The following IPO13 variants were observed in gnomAD, a reference collection of about 807,000 sequenced individuals.
IPO13 encodes importin-13.
A neutral mutation model predicts 115.5 loss-of-function variants in IPO13; 28 were observed. The observed-to-expected ratio is 0.24, with a 90% CI of 0.18 to 0.33. The LOEUF is 0.33. Among genes scored for constraint, IPO13 ranks in the 10% least tolerant of loss-of-function variants. IPO13 has a pLI of 1.00. For missense variants in IPO13, 785 were observed against 1,204.6 expected, an observed-to-expected ratio of 0.65 and a Z score of 5.16; for synonymous variants, 414 against 478.9, an observed-to-expected ratio of 0.86 and a Z score of 1.77.
chr1:43,960,952 A>C lies in IPO13; in HGVS notation c.2186A>C (p.Glu729Ala). 6.2e-7 allele frequency: 1 copy of C among 1,614,136 alleles called. No individual in the cohort carries two copies. The change falls in exon 13 of 20, where the codon GAG becomes GCG. Residue 729 changes from glutamate to alanine, a missense_variant. Physicochemically the swap from Glu to Ala is moderately radical, Grantham distance 107. Around this residue, in one of 3 missense-constraint regions of IPO13, gnomAD observed 285 missense variants for 394.8 expected, o/e 0.72. Transcript: ENST00000372343. ...GCCCCCATGGTGCCACAGCTGTGTG[A>C]GATGCTGGGTCGGATGTACAGCACC... The part of the protein sequence containing the change: ...DFAPMVPQLC[E>A]MLGRMYSTIP...
Position 43,966,848 on chromosome 1 carries a change from C to A in IPO13, c.2523+66C>A. 2 of 1,604,664 alleles carry A rather than the reference C, an allele frequency of 1.2e-6. No individual in the cohort carries two copies. The highest frequency in any genetic ancestry group is 2.2e-5 in the South Asian group (2 of 90,846). On this transcript the variant is annotated intron_variant, in intron 17 of 19. Transcript: ENST00000372343. The surrounding 1 kb of genome is among the most constrained non-coding windows in gnomAD (Gnocchi z 4.1). ...GCCCTCCCCTGCCCAGGACTTCAGA[C>A]AGTAGGGCTGGGGTGTACAGGTCTT...
At position 43,947,535 on chromosome 1, in the gene IPO13, C is replaced by T; in HGVS notation, c.-66C>T. On this transcript the variant is annotated 5_prime_UTR_variant, in exon 1 of 20. Transcript: ENST00000372343. Reference sequence around the variant, plus strand: ...CCCAAGCCGGGGTCTAGCAGGGGGCCAGCAGCCAAGGGGCTGGGGCAGGAG... The same window carrying T: ...CCCAAGCCGGGGTCTAGCAGGGGGCTAGCAGCCAAGGGGCTGGGGCAGGAG... The T allele has an allele frequency of 2.1e-6, 2 of 971,130 alleles. No individual in the cohort carries two copies. The highest frequency in any genetic ancestry group is 4.3e-5 in the South Asian group (1 of 23,134). 60.2% of individuals were successfully genotyped at this position (971,130 alleles called of 1,614,324 possible).
chr1:43,954,681 G>C (rs1470910396), intron 2 of IPO13, among the ~76,000 whole-genome samples: 1 of 152,146 alleles, frequency 6.6e-6, no homozygotes, highest in Admixed American at 6.5e-5. Flanking sequence ...TTGTATACTG[G>C]GCTGTCTGTC....
rs976077327 is a variant in IPO13, at chr1:43,957,650, A to G, written c.1540+101A>G. 1.2e-5 allele frequency: 17 copies of G among 1,383,634 alleles called. No individual in the cohort carries two copies. The South Asian group carries it at 1.4e-4, about 12-fold the overall frequency. The allele number at this position is 1,383,634 out of a possible 1,614,324, so 85.7% of individuals were successfully genotyped here. ...ATCCTATCCAGAATGGGAGAGCCAC[A>G]TGCCTACACACAATCAGTGTTGTAA... On this transcript the variant is annotated intron_variant, in intron 7 of 19. Coordinates refer to ENST00000372343, the MANE Select transcript of IPO13 (RefSeq NM_014652.4).
Position 43,947,009 on chromosome 1 carries a change from T to C in IPO13, c.-592T>C. ...GCTGTAGCGGGGCTGTAGCCGGGCG[T>C]TGAGCACAGCGCGGGCCAGGCCGAA... On this transcript the variant is annotated 5_prime_UTR_variant, in exon 1 of 20. Transcript: ENST00000372343. 1 of 398,332 alleles carries C rather than the reference T, an allele frequency of 2.5e-6. No individual in the cohort carries two copies. The highest frequency in any genetic ancestry group is 4.4e-6 in the Non-Finnish European group (1 of 225,850). 24.7% of individuals were successfully genotyped at this position (398,332 alleles called of 1,614,324 possible). A position where few individuals can be genotyped will look rare whatever the true frequency, so the allele number is the denominator to read the frequency against.
intron 2 of IPO13, among the ~76,000 whole-genome samples, chr1:43,951,951 G>T (rs1213204939): frequency 6.6e-6 from 1 of 152,146 alleles, no homozygotes; most frequent in Non-Finnish European, 1.5e-5. Context: ...AGTTGAAAAG[G>T]TTTAAACAGG....
Position 43,966,551 on chromosome 1 carries a change from G to A in IPO13, c.2398-24G>A, listed in dbSNP as rs768588008. Reference sequence around the variant, plus strand: ...GGTCCTTGGAGCTGGCTGGGGCTGGGCTTACCAGCTCCACCTCCTGCAGGC... The same window carrying A: ...GGTCCTTGGAGCTGGCTGGGGCTGGACTTACCAGCTCCACCTCCTGCAGGC... On this transcript the variant is annotated intron_variant, in intron 15 of 19. Transcript: ENST00000372343. This position sits in a 1 kb window ranked among gnomAD's most constrained non-coding sequence, Gnocchi z 4.1. The A allele has an allele frequency of 6.2e-7, 1 of 1,612,686 alleles. No homozygotes were observed. The highest frequency in any genetic ancestry group is 1.1e-5 in the South Asian group (1 of 91,054).
At position 43,952,557 on chromosome 1, in the gene IPO13, T is replaced by A. The variant is rs1174562363; in HGVS notation, c.821+2404T>A. On this transcript the variant is annotated intron_variant, in intron 2 of 19. Coordinates refer to ENST00000372343, the MANE Select transcript of IPO13 (RefSeq NM_014652.4). The surrounding 1 kb of genome is among the most constrained non-coding windows in gnomAD (Gnocchi z 4.7). ...TAGTACTGGTCATAAGAAGTAGAAC[T>A]GGAATCATGCAATAGAAAGTGGGCC... Among the ~76,000 whole-genome samples, 1 of 152,182 alleles carries A rather than the reference T, an allele frequency of 6.6e-6. No individual in the cohort carries two copies.
Position 43,960,286 on chromosome 1 carries a change from A to G in IPO13, c.2066A>G (p.Gln689Arg). The G allele has an allele frequency of 2.5e-6, 4 of 1,614,166 alleles. No homozygotes were observed. Among genetic ancestry groups the G allele is most frequent in the Non-Finnish European group, 3.4e-6 (4 of 1,180,022 alleles). ...CTGCAGCAGGTCTTCCAGCTTATCC[A>G]GAAGGTGCTGAGCAAATGGTTGAAT... is the stretch of plus-strand genomic sequence containing the variant. ...VVLQQVFQLIQKVLSKWLNDA... is the reference protein window; with the variant it reads ...VVLQQVFQLIRKVLSKWLNDA... Residue 689 changes from glutamine to arginine, a missense_variant, in exon 12 of 20, where the codon CAG becomes CGG. Gln to Arg is a conservative substitution (Grantham distance 43). Transcript: ENST00000372343.
intron 15 of IPO13, among the ~76,000 whole-genome samples, chr1:43,965,439 G>A (rs1254528504): frequency 6.6e-6 from 1 of 152,104 alleles, no homozygotes. Flanking sequence ...TGGGTAGGGT[G>A]GGAGGAGGGA....
intron 1 of IPO13, among the ~76,000 whole-genome samples, chr1:43,948,044 C>T (rs895767364): frequency 5.3e-5 from 8 of 152,244 alleles, no homozygotes; most frequent in African/African-American, 1.7e-4. Context: ...TGGAATTATA[C>T]TGATGCCAAA....
At chr1:43,949,390 C>G in intron 1 of IPO13, 27 bp from the exon 2 acceptor site, 1 of 1,555,934 alleles carries the variant, frequency 6.4e-7, no homozygotes, top group Non-Finnish European at 8.7e-7. Flanking sequence ...GTGGCCAGCA[C>G]CTGCTCAGTC....
chr1:43,960,164 T>C, intron 11 of IPO13, 85 bp from the exon 12 acceptor site: 1 of 1,285,302 alleles, frequency 7.8e-7, no homozygotes, highest in Non-Finnish European at 1.1e-6. Flanking sequence ...TCTGAACTGC[T>C]CCCCTCCTCC....
chr1:43,962,459 G>C (rs947570758), intron 14 of IPO13, among the ~76,000 whole-genome samples: 2 of 152,136 alleles, frequency 1.3e-5, no homozygotes, highest in Non-Finnish European at 2.9e-5. Flanking sequence ...GTCATCCCGG[G>C]CTTAAAACCC....
intron 15 of IPO13, among the ~76,000 whole-genome samples, chr1:43,965,771 T>G (rs2085318467): frequency 7.6e-5 from 9 of 118,284 alleles, no homozygotes; most frequent in South Asian, 3.1e-4. Context: ...ACATGGGGGG[T>G]AGAGGGGATG....
Position 43,961,233 on chromosome 1 carries a change from C to G in IPO13, c.2315C>G (p.Thr772Ser). The G allele has an allele frequency of 6.2e-7, 1 of 1,614,028 alleles. No homozygotes were observed. The highest frequency in any genetic ancestry group is 8.5e-7 in the Non-Finnish European group (1 of 1,179,904). The change falls in exon 14 of 20, where the codon ACC becomes AGC. Residue 772 changes from threonine (T) to serine (S), a missense_variant. Transcript: ENST00000372343. ...PPIEALFLLV[T>S]SVTLTLFQQG... ...ATTGAGGCCCTCTTCCTGCTCGTCA[C>G]CTCCGTCACACTCACTCTCTTCCAG...
chr1:43,955,263 CTT>C (rs545350043), intron 2 of IPO13, among the ~76,000 whole-genome samples: 11 of 143,642 alleles, frequency 7.7e-5, no homozygotes, highest in Non-Finnish European at 4.6e-5. Context: ...CTTCCAAAGT[CTT>C]TTTTTTTTTT....
At chr1:43,951,883 A>G (rs893732797) in intron 2 of IPO13, among the ~76,000 whole-genome samples, 2 of 152,218 alleles carry the variant, frequency 1.3e-5, no homozygotes, top group African/African-American at 4.8e-5. Context: ...TGGATCAGCC[A>G]TTCCTAAGGC....
rs374437114 is a variant in IPO13, at chr1:43,961,025, G to T, written c.2247+12G>T. 1.2e-6 allele frequency: 2 copies of T among 1,613,878 alleles called. No individual in the cohort carries two copies. Among genetic ancestry groups the T allele is most frequent in the African/African-American group, 2.7e-5 (2 of 74,916 alleles). On this transcript the variant is annotated intron_variant, in intron 13 of 19. Coordinates refer to ENST00000372343, the MANE Select transcript of IPO13 (RefSeq NM_014652.4). The stretch of plus-strand genomic sequence containing the variant: ...ACCTCACTCGACAGGTGGGCCTTCT[G>T]GTTGGGGCAGAGATCCTGACCCTGG...
Sources: gnomAD v4.1 joint callset for allele counts (sites outside exome capture counted in the v4.1 genomes callset) on GRCh38, gnomAD v4.1.1 for gene constraint, gnomAD v4.1.1 regional missense constraint, Gnocchi (gnomAD v3.1) non-coding constraint, MANE v1.5 for transcripts, NCBI Gene and HGNC (gene_info 2026-07-23, HGNC 2026-07-21) for gene names.